ZNF862: variants seen among roughly 807,000 people sequenced by gnomAD.
The protein encoded by ZNF862 is zinc finger protein 862.
Under a neutral mutation model 91.1 loss-of-function variants are expected in ZNF862, and 64 were observed. That is an observed-to-expected ratio of 0.70 (90% CI 0.57 to 0.87). The LOEUF is 0.87. ZNF862 is among the 40% of genes least tolerant of loss of function. ZNF862 has a pLI of 0.00. For synonymous variants in ZNF862, 631 were observed against 618.1 expected (o/e 1.02, Z -0.31); for missense variants, 1,459 against 1,528.0 (o/e 0.95, Z 0.75).
chr7:149,861,523 G>A lies in ZNF862; in HGVS notation c.2363G>A (p.Arg788His). 4 of 1,607,004 alleles carry A rather than the reference G, an allele frequency of 2.5e-6. No individual in the cohort carries two copies. Among genetic ancestry groups the A allele is most frequent in the Non-Finnish European group, 3.4e-6 (4 of 1,177,500 alleles). ...IIRLKDLNAV[R>H]WVASRRRTLH... Reference sequence around the variant, plus strand: ...CGCCTGAAGGATCTGAATGCGGTCCGCTGGGTGGCCAGCAGGAGGCGCACG... The same window carrying A: ...CGCCTGAAGGATCTGAATGCGGTCCACTGGGTGGCCAGCAGGAGGCGCACG... The change falls in exon 7 of 8, where the codon CGC becomes CAC. Residue 788 changes from arginine (R) to histidine (H), a missense_variant. Physicochemically the swap from Arg to His is conservative, Grantham distance 29. Transcript: ENST00000223210. The surrounding 1 kb of genome is among the most constrained non-coding windows in gnomAD (Gnocchi z 6.7).
At chr7:149,853,150 C>G (rs192571819) in intron 5 of ZNF862, among the ~76,000 whole-genome samples, 1 of 152,126 alleles carries the variant, frequency 6.6e-6, no homozygotes, top group African/African-American at 2.4e-5. Flanking sequence ...CTGAAACTCC[C>G]GGGCCCAGGC....
rs1204997614 is a variant in ZNF862, at chr7:149,838,446, G to A, written c.-166G>A. On this transcript the variant is annotated 5_prime_UTR_variant, in exon 1 of 8. Coordinates refer to ENST00000223210, the MANE Select transcript of ZNF862 (RefSeq NM_001099220.3). ...GCGCGCTTATCCTGGGTCCACCGGC[G>A]CTACCGCCCCCCGACGTGAGAGAGC... 7.1e-6 allele frequency: 3 copies of A among 421,274 alleles called. No homozygotes were observed. Among genetic ancestry groups the A allele is most frequent in the African/African-American group, 4.1e-5 (2 of 49,084 alleles). 26.1% of individuals were successfully genotyped at this position (421,274 alleles called of 1,614,324 possible).
chr7:149,847,804 TC>T lies in ZNF862; in HGVS notation c.314del (p.Pro105ArgfsTer30). The T allele has an allele frequency of 6.2e-7, 1 of 1,613,676 alleles. No individual in the cohort carries two copies. The highest frequency in any genetic ancestry group is 8.5e-7 in the Non-Finnish European group (1 of 1,179,778). On this transcript the variant is annotated frameshift_variant, in exon 4 of 8. Coordinates refer to ENST00000223210, the MANE Select transcript of ZNF862 (RefSeq NM_001099220.3). LOFTEE classifies it high-confidence loss of function. ...CCCACCAGGGAGAGTGGACAGTCCC[TC>T]CCGCCTCAGAAGAAAGCCTACCTTT... ...QGPTRESGQS[L>X]PPQKKAYLSH...
Position 149,850,583 on chromosome 7 carries a change from A to T in ZNF862, c.1117+245A>T. On this transcript the variant is annotated intron_variant, in intron 5 of 7. Coordinates refer to ENST00000223210, the MANE Select transcript of ZNF862 (RefSeq NM_001099220.3). The surrounding 1 kb of genome is among the most constrained non-coding windows in gnomAD (Gnocchi z 4.2). ...CATTTTGGAGTACCTACTATGTGCC[A>T]GATGAACACAGCTGATCCATGGTCT... 1 of 476,628 alleles carries T rather than the reference A, an allele frequency of 2.1e-6. No individual in the cohort carries two copies. Among genetic ancestry groups the T allele is most frequent in the Non-Finnish European group, 3.8e-6 (1 of 265,974 alleles). 29.5% of individuals were successfully genotyped at this position (476,628 alleles called of 1,614,324 possible).
At position 149,838,491 on chromosome 7, in the gene ZNF862, C is replaced by T; in HGVS notation, c.-121C>T. On this transcript the variant is annotated 5_prime_UTR_variant, in exon 1 of 8. Coordinates refer to ENST00000223210, the MANE Select transcript of ZNF862 (RefSeq NM_001099220.3). The stretch of plus-strand genomic sequence containing the variant: ...GAGAGCGAAGTTCTTGGGCCGCGCT[C>T]CCTCCCTACCTGGGTGCCCTCCCCC... 1.6e-6 allele frequency: 1 copy of T among 621,048 alleles called. No homozygotes were observed. The highest frequency in any genetic ancestry group is 2.3e-6 in the Non-Finnish European group (1 of 429,674). 38.5% of individuals were successfully genotyped at this position (621,048 alleles called of 1,614,324 possible).
At position 149,840,187 on chromosome 7, in the gene ZNF862, T is replaced by TAAAAAAAAAAAAAA. The variant is rs60721842; in HGVS notation, c.24+1571_24+1584dup. On this transcript the variant is annotated intron_variant, in intron 1 of 7. Transcript: ENST00000223210. The stretch of plus-strand genomic sequence containing the variant: ...TTAGGTTTTAAGAAAGCTTAAAAAG[T>TAAAAAAAAAAAAAA]AAAAAAAAAAAAAAAAAAAAAAAAA... 1.7e-4 allele frequency among the ~76,000 whole-genome samples: 7 copies of TAAAAAAAAAAAAAA among 41,250 alleles called. 1 individual carries two copies. Among genetic ancestry groups the TAAAAAAAAAAAAAA allele is most frequent in the East Asian group, 1.2e-3 (1 of 842 alleles). 27.1% of individuals were successfully genotyped at this position (41,250 alleles called of 152,430 possible).
In ZNF862 at chr7:149,861,451, T is replaced by C. The variant is rs1802493465; in HGVS notation, c.2291T>C (p.Leu764Pro). ...FKFYQSSNKRLNELQEGAAPL... is the reference protein window; with the variant it reads ...FKFYQSSNKRPNELQEGAAPL... ...TTTTATCAGTCCTCAAACAAGAGGC[T>C]GAACGAGCTGCAGGAAGGTGCGGCG... is the stretch of plus-strand genomic sequence containing the variant. The change falls in exon 7 of 8, where the codon CTG becomes CCG. Residue 764 changes from leucine (L) to proline (P), a missense_variant. Transcript: ENST00000223210. This position sits in a 1 kb window ranked among gnomAD's most constrained non-coding sequence, Gnocchi z 6.7. 2 of 1,613,382 alleles carry C rather than the reference T, an allele frequency of 1.2e-6. No individual in the cohort carries two copies. The highest frequency in any genetic ancestry group is 1.7e-5 in the Admixed American group (1 of 60,004).
chr7:149,848,087 C>G lies in ZNF862; in HGVS notation c.594C>G (p.Ala198=). The G allele has an allele frequency of 6.2e-7, 1 of 1,614,062 alleles. No homozygotes were observed. Among genetic ancestry groups the G allele is most frequent in the Non-Finnish European group, 8.5e-7 (1 of 1,179,900 alleles). The change falls in exon 4 of 8, where the codon GCC becomes GCG. Residue 198 remains alanine, a synonymous_variant. Coordinates refer to ENST00000223210, the MANE Select transcript of ZNF862 (RefSeq NM_001099220.3). ...ETLKYHAKSK[A]HMFCVNALAA... is the part of the protein sequence containing the mutation. ...TCAAATACCACGCGAAGAGCAAGGC[C>G]CACATGTTCTGTGTCAATGCCTTGG...
Position 149,855,805 on chromosome 7 carries a change from C to A in ZNF862, c.1118-3617C>A, listed in dbSNP as rs566649793. Among the ~76,000 whole-genome samples, 1 of 152,230 alleles carries A rather than the reference C, an allele frequency of 6.6e-6. No homozygotes were observed. The highest frequency in any genetic ancestry group is 1.5e-5 in the Non-Finnish European group (1 of 68,040). On this transcript the variant is annotated intron_variant, in intron 5 of 7. Transcript: ENST00000223210. This position sits in a 1 kb window ranked among gnomAD's most constrained non-coding sequence, Gnocchi z 4.1. Reference sequence around the variant, plus strand: ...GGCCCACATCTGAACCATAGAAGCACTTCCAGACCCTGTGCTCTCCCAGAC... The same window carrying A: ...GGCCCACATCTGAACCATAGAAGCAATTCCAGACCCTGTGCTCTCCCAGAC...
chr7:149,850,484 TC>T lies in ZNF862; in HGVS notation c.1117+150del. On this transcript the variant is annotated intron_variant, in intron 5 of 7. Coordinates refer to ENST00000223210, the MANE Select transcript of ZNF862 (RefSeq NM_001099220.3). This position sits in a 1 kb window ranked among gnomAD's most constrained non-coding sequence, Gnocchi z 4.2. ...GATCCTGTCTTTTGCACCTCATAAC[TC>T]CCCTGCTTGGGGTAACTGTGCTTTA... 1.3e-6 allele frequency: 1 copy of T among 783,928 alleles called. No homozygotes were observed. The highest frequency in any genetic ancestry group is 1.9e-5 in the South Asian group (1 of 52,830). The allele number at this position is 783,928 out of a possible 1,614,324, so 48.6% of individuals were successfully genotyped here.
intron 5 of ZNF862, among the ~76,000 whole-genome samples, chr7:149,854,340 AG>A (rs1304576067): frequency 6.6e-6 from 1 of 152,226 alleles, no homozygotes; most frequent in Non-Finnish European, 1.5e-5. Flanking sequence ...CCTCAATTAA[AG>A]GAGACTGAAG....
intron 6 of ZNF862, chr7:149,859,735 C>T: frequency 1.8e-6 from 1 of 541,958 alleles, no homozygotes; most frequent in South Asian, 2.4e-5. Context: ...AAAAACAGGT[C>T]CTTTTGTAAG....
At chr7:149,844,212 A>T (rs1801797284) in intron 1 of ZNF862, among the ~76,000 whole-genome samples, 1 of 152,178 alleles carries the variant, frequency 6.6e-6, no homozygotes. Context: ...TCACAGACAT[A>T]GTTCTAAATG....
rs1260924858 is a variant in ZNF862 at position 149,866,670 on chromosome 7, C to T, written c.*2386C>T. The T allele has an allele frequency of 6.6e-6, 1 of 152,250 alleles. No individual in the cohort carries two copies. The highest frequency in any genetic ancestry group is 1.5e-5 in the Non-Finnish European group (1 of 68,102). The allele number at this position is 152,250 out of a possible 1,614,324, so 9.4% of individuals were successfully genotyped here. ...GGGGGGTCCCTGTGCAGCGGGGCCA[C>T]TGAGAATGCTGTTTGTCATAAAATT... On this transcript the variant is annotated 3_prime_UTR_variant, in exon 8 of 8. Transcript: ENST00000223210.
chr7:149,850,600 C>G lies in ZNF862; in HGVS notation c.1117+262C>G. 2.4e-6 allele frequency: 1 copy of G among 415,172 alleles called. No individual in the cohort carries two copies. The highest frequency in any genetic ancestry group is 3.8e-5 in the South Asian group (1 of 26,098). The allele number at this position is 415,172 out of a possible 1,614,324, so 25.7% of individuals were successfully genotyped here. A position where few individuals can be genotyped will look rare whatever the true frequency, so the allele number is the denominator to read the frequency against. On this transcript the variant is annotated intron_variant, in intron 5 of 7. Transcript: ENST00000223210. This position sits in a 1 kb window ranked among gnomAD's most constrained non-coding sequence, Gnocchi z 4.2. ...TATGTGCCAGATGAACACAGCTGATCCATGGTCTCTGCTTTCAAGGGCCTA... is the reference window on the plus strand; with the variant it reads ...TATGTGCCAGATGAACACAGCTGATGCATGGTCTCTGCTTTCAAGGGCCTA...
intron 1 of ZNF862, among the ~76,000 whole-genome samples, chr7:149,840,178 C>A (rs1322517467): frequency 4.0e-4 from 4 of 10,100 alleles, no homozygotes; most frequent in African/African-American, 4.0e-4. Flanking sequence ...TTTAAGAAAG[C>A]TTAAAAAGTA....
At position 149,865,172 on chromosome 7, in the gene ZNF862, G is replaced by C. The variant is rs1167770739; in HGVS notation, c.*888G>C. 1 of 152,258 alleles carries C rather than the reference G, an allele frequency of 6.6e-6. No homozygotes were observed. Among genetic ancestry groups the C allele is most frequent in the African/African-American group, 2.4e-5 (1 of 41,444 alleles). 9.4% of individuals were successfully genotyped at this position (152,258 alleles called of 1,614,324 possible). A position where few individuals can be genotyped will look rare whatever the true frequency, so the allele number is the denominator to read the frequency against. On this transcript the variant is annotated 3_prime_UTR_variant, in exon 8 of 8. Coordinates refer to ENST00000223210, the MANE Select transcript of ZNF862 (RefSeq NM_001099220.3). ...TGACTCCCCATCTGCCCTAGGATTA[G>C]TGAATGAGAGCCTCGAGCTCCCTCA...
At chr7:149,842,398 G>A (rs1801737646) in intron 1 of ZNF862, among the ~76,000 whole-genome samples, 1 of 152,192 alleles carries the variant, frequency 6.6e-6, no homozygotes, top group Non-Finnish European at 1.5e-5. Flanking sequence ...ACTGGGAACC[G>A]CTAAAATAGA....
rs1563113420 is a variant in ZNF862, at chr7:149,838,393, C to T, written c.-219C>T. The stretch of plus-strand genomic sequence containing the variant: ...GCTGGGCAGTGACCGTAAAGCTGTT[C>T]GCTCGGTGCGACGCAAGTCTCAGCT... On this transcript the variant is annotated 5_prime_UTR_variant, in exon 1 of 8. Transcript: ENST00000223210. 1 of 396,038 alleles carries T rather than the reference C, an allele frequency of 2.5e-6. No individual in the cohort carries two copies. The allele number at this position is 396,038 out of a possible 1,614,324, so 24.5% of individuals were successfully genotyped here.
Sources: gnomAD v4.1 joint callset for allele counts (sites outside exome capture counted in the v4.1 genomes callset) on GRCh38, gnomAD v4.1.1 for gene constraint, Gnocchi (gnomAD v3.1) non-coding constraint, MANE v1.5 for transcripts, NCBI Gene and HGNC (gene_info 2026-07-23, HGNC 2026-07-21) for gene names.